TTC28: variants seen among roughly 807,000 people sequenced by gnomAD.
TTC28 encodes tetratricopeptide repeat domain 28.
TTC28 carries 61 observed loss-of-function variants against 198.0 expected under a neutral mutation model. The observed-to-expected ratio is 0.31, with a 90% CI of 0.25 to 0.38. The LOEUF (loss-of-function observed/expected upper bound fraction) is 0.38. Ranked by LOEUF, TTC28 falls within the 10% of genes least tolerant of loss-of-function variation. The pLI is 1.00. For missense variants in TTC28, 2,678 were observed against 3,164.0 expected, an observed-to-expected ratio of 0.85 and a Z score of 3.69; for synonymous variants, 1,171 against 1,297.8, an observed-to-expected ratio of 0.90 and a Z score of 2.10.
At chr22:28,586,475 T>C (rs1174699858) in intron 2 of TTC28, among the ~76,000 whole-genome samples, 4 of 152,080 alleles carry the variant, frequency 2.6e-5, no homozygotes, top group African/African-American at 9.7e-5. Flanking sequence ...TTTCTATCTA[T>C]GGAAAGATAG....
rs763662062 is a variant in TTC28, at chr22:28,214,979, G to A, written c.934-51380C>T. On this transcript the variant is annotated intron_variant, in intron 5 of 22. Coordinates refer to ENST00000397906, the MANE Select transcript of TTC28 (RefSeq NM_001145418.2). ...AAAAAAGGATGAGTTCACGTCCTTC[G>A]TAGGGACATGCATGAAGCTGGAAGC... is the stretch of plus-strand genomic sequence containing the variant. Among the ~76,000 whole-genome samples the A allele has an allele frequency of 4.6e-5, 7 of 152,170 alleles. No individual in the cohort carries two copies. The East Asian group carries it at 9.6e-4, about 21-fold the overall frequency.
intron 13 of TTC28, among the ~76,000 whole-genome samples, chr22:28,015,046 C>T (rs944377299): frequency 6.6e-6 from 1 of 152,222 alleles, no homozygotes; most frequent in African/African-American, 2.4e-5. Context: ...AATACAGAAG[C>T]ATTTTCAACC....
intron 2 of TTC28, among the ~76,000 whole-genome samples, chr22:28,525,824 T>G (rs2048994365): frequency 1.3e-5 from 2 of 152,220 alleles, no homozygotes; most frequent in Non-Finnish European, 2.9e-5. Context: ...CTAAAAGCAC[T>G]GTTATTTAGT....
At chr22:28,652,889 T>C (rs1322624272) in intron 1 of TTC28, among the ~76,000 whole-genome samples, 1 of 152,148 alleles carries the variant, frequency 6.6e-6, no homozygotes, top group Non-Finnish European at 1.5e-5. Context: ...GCACTCAGTA[T>C]ATACCACAGA....
chr22:28,064,428 A>G (rs1940675412), intron 12 of TTC28, among the ~76,000 whole-genome samples: 1 of 152,136 alleles, frequency 6.6e-6, no homozygotes, highest in Non-Finnish European at 1.5e-5. Context: ...TCCCTTCTAG[A>G]AAGTGGAAAA....
chr22:28,424,220 T>C (rs1032626856), intron 2 of TTC28, among the ~76,000 whole-genome samples: 2 of 152,164 alleles, frequency 1.3e-5, no homozygotes, highest in Admixed American at 6.5e-5. Flanking sequence ...CACTTTACAC[T>C]CCCACAATAA....
chr22:28,586,299 A>G (rs1408567735), intron 2 of TTC28, among the ~76,000 whole-genome samples: 3 of 151,932 alleles, frequency 2.0e-5, no homozygotes, highest in Admixed American at 1.3e-4. Context: ...AAAAGAAAGA[A>G]AGTAGTAAGA....
At chr22:27,985,542 C>A (rs957468474) in intron 21 of TTC28, 186 bp from the exon 22 acceptor site, 8 of 492,936 alleles carry the variant, frequency 1.6e-5, no homozygotes, top group Non-Finnish European at 3.0e-5. Flanking sequence ...TCGGGCTGCC[C>A]CACCCAGAAC....
At chr22:28,038,923 T>C (rs1249038318) in intron 12 of TTC28, among the ~76,000 whole-genome samples, 2 of 152,208 alleles carry the variant, frequency 1.3e-5, no homozygotes, top group Admixed American at 1.3e-4. Flanking sequence ...GAAAAAATGC[T>C]CAACATCACT....
In TTC28 at chr22:28,319,066, G is replaced by A. The variant is rs544736740; in HGVS notation, c.382-12423C>T. Among the ~76,000 whole-genome samples the A allele has an allele frequency of 4.2e-4, 64 of 151,928 alleles. 1 individual carries two copies. The highest frequency in any genetic ancestry group is 7.5e-4 in the Non-Finnish European group (51 of 67,984). On this transcript the variant is annotated intron_variant, in intron 2 of 22. Coordinates refer to ENST00000397906, the MANE Select transcript of TTC28 (RefSeq NM_001145418.2). ...TGGTTTTGAACGCCTGGACTTAAGC[G>A]ATCCTCTCACCTCAACCTCCCAAAG...
chr22:28,398,064 C>A (rs1176894901), intron 2 of TTC28, among the ~76,000 whole-genome samples: 1 of 152,320 alleles, frequency 6.6e-6, no homozygotes, highest in East Asian at 1.9e-4. Flanking sequence ...CATGTTGCCC[C>A]CAGACTGACT....
chr22:28,431,812 T>C (rs545696413), intron 2 of TTC28, among the ~76,000 whole-genome samples: 2 of 151,806 alleles, frequency 1.3e-5, no homozygotes, highest in South Asian at 4.2e-4. Flanking sequence ...ACCTTGTCTC[T>C]ACTAAAAATA....
chr22:28,206,388 C>T (rs541814965), intron 5 of TTC28, among the ~76,000 whole-genome samples: 8 of 152,194 alleles, frequency 5.3e-5, no homozygotes, highest in South Asian at 4.1e-4. Flanking sequence ...GGAGAAATGA[C>T]GAAATATGTC....
At chr22:28,017,853 G>A (rs1292743140) in intron 13 of TTC28, among the ~76,000 whole-genome samples, 1 of 152,068 alleles carries the variant, frequency 6.6e-6, no homozygotes, top group East Asian at 1.9e-4. Context: ...GGCTAACACA[G>A]TGCAGATTCT....
At chr22:28,433,114 G>A (rs1172872063) in intron 2 of TTC28, among the ~76,000 whole-genome samples, 1 of 152,080 alleles carries the variant, frequency 6.6e-6, no homozygotes, top group Admixed American at 6.5e-5. Flanking sequence ...GCACACAAAT[G>A]TTACTATCAA....
intron 12 of TTC28, among the ~76,000 whole-genome samples, chr22:28,038,624 C>A (rs993894783): frequency 2.0e-5 from 3 of 152,196 alleles, no homozygotes; most frequent in African/African-American, 7.2e-5. Flanking sequence ...GACTTCATGT[C>A]TAAAACACCA....
intron 2 of TTC28, among the ~76,000 whole-genome samples, chr22:28,478,922 C>A (rs2048204755): frequency 1.3e-5 from 2 of 152,172 alleles, no homozygotes; most frequent in Admixed American, 1.3e-4. Context: ...CAGGACTTAG[C>A]ACTATCTAAA....
At chr22:28,356,602 G>A (rs2046080770) in intron 2 of TTC28, among the ~76,000 whole-genome samples, 1 of 152,196 alleles carries the variant, frequency 6.6e-6, no homozygotes, top group Non-Finnish European at 1.5e-5. Flanking sequence ...GGGCACTGTG[G>A]ACTTTCACAG....
chr22:28,127,910 T>TG (rs1942956805), intron 6 of TTC28, among the ~76,000 whole-genome samples: 1 of 150,134 alleles, frequency 6.7e-6, no homozygotes, highest in Non-Finnish European at 1.5e-5. Context: ...TTTTTTTTTT[T>TG]TGGGGGTGGG....
Sources: gnomAD v4.1 joint callset for allele counts (sites outside exome capture counted in the v4.1 genomes callset) on GRCh38, gnomAD v4.1.1 for gene constraint, MANE v1.5 for transcripts, NCBI Gene and HGNC (gene_info 2026-07-23, HGNC 2026-07-21) for gene names.